Variants in EPAS1 observed in about 807,000 individuals in gnomAD.
The protein encoded by EPAS1 is endothelial PAS domain protein 1.
EPAS1 carries 23 observed loss-of-function variants against 87.9 expected under a neutral mutation model. The observed-to-expected ratio is 0.26, with a 90% confidence interval of 0.19 to 0.37. The LOEUF (loss-of-function observed/expected upper bound fraction) is 0.37. Among genes scored for constraint, EPAS1 ranks in the 10% least tolerant of loss-of-function variants. EPAS1 has a pLI of 1.00. For synonymous variants in EPAS1, 508 were observed against 444.3 expected, an observed-to-expected ratio of 1.14 and a Z score of -1.80; for missense variants, 1,138 against 1,120.7, an observed-to-expected ratio of 1.02 and a Z score of -0.22.
At chr2:46,337,564 A>C (rs886824648) in intron 1 of EPAS1, among the ~76,000 whole-genome samples, 1 of 152,134 alleles carries the variant, frequency 6.6e-6, no homozygotes, top group Non-Finnish European at 1.5e-5. Flanking sequence ...CCGCCGTGCA[A>C]TTTCTTTGTC....
chr2:46,362,778 T>C (rs1172063332), intron 6 of EPAS1, among the ~76,000 whole-genome samples: 1 of 152,216 alleles, frequency 6.6e-6, no homozygotes, highest in Non-Finnish European at 1.5e-5. Flanking sequence ...AAAGTATCCT[T>C]GAGTCATTCC....
chr2:46,314,481 G>T (rs918550051), intron 1 of EPAS1, among the ~76,000 whole-genome samples: 8 of 152,158 alleles, frequency 5.3e-5, no homozygotes, highest in Non-Finnish European at 7.3e-5. Flanking sequence ...TTCTGTTCAG[G>T]AAAACGTCCT....
chr2:46,316,099 A>G (rs2104845626), intron 1 of EPAS1, among the ~76,000 whole-genome samples: 1 of 152,320 alleles, frequency 6.6e-6, no homozygotes, highest in African/African-American at 2.4e-5. Flanking sequence ...ATAATTACAG[A>G]ATACGGGCAT....
At chr2:46,344,162 T>C (rs902651815) in intron 1 of EPAS1, among the ~76,000 whole-genome samples, 8 of 152,248 alleles carry the variant, frequency 5.3e-5, no homozygotes, top group Admixed American at 6.5e-5. Flanking sequence ...AACTAATATA[T>C]GAAAGGTTTT....
chr2:46,384,932 A>G lies in EPAS1; in HGVS notation c.*272A>G. 2.1e-6 allele frequency: 1 copy of G among 484,644 alleles called. No individual in the cohort carries two copies. Among genetic ancestry groups the G allele is most frequent in the East Asian group, 4.0e-5 (1 of 25,214 alleles). The allele number at this position is 484,644 out of a possible 1,614,324, so 30.0% of individuals were successfully genotyped here. ...TTCCTCCCCACCTTCAATGACTTCT[A>G]ATTTATATTATCCATAGGTTTCTCT... On this transcript the variant is annotated 3_prime_UTR_variant, in exon 16 of 16. Transcript: ENST00000263734.
chr2:46,307,831 G>A (rs1234140776), intron 1 of EPAS1, among the ~76,000 whole-genome samples: 1 of 152,188 alleles, frequency 6.6e-6, no homozygotes, highest in Non-Finnish European at 1.5e-5. Context: ...CCTCCTCAGC[G>A]GGATTGTCCT....
At chr2:46,332,482 G>A (rs1683705478) in intron 1 of EPAS1, among the ~76,000 whole-genome samples, 1 of 152,098 alleles carries the variant, frequency 6.6e-6, no homozygotes, top group African/African-American at 2.4e-5. Context: ...GGGGCAGCTG[G>A]GTTCTGTTAA....
chr2:46,311,293 A>G (rs1683207996), intron 1 of EPAS1, among the ~76,000 whole-genome samples: 1 of 152,152 alleles, frequency 6.6e-6, no homozygotes, highest in South Asian at 2.1e-4. Flanking sequence ...CTCCACAGTC[A>G]TTCTCTGCTC....
At chr2:46,351,294 G>A (rs1268205084) in intron 2 of EPAS1, among the ~76,000 whole-genome samples, 2 of 152,180 alleles carry the variant, frequency 1.3e-5, no homozygotes, top group Non-Finnish European at 2.9e-5. Flanking sequence ...ACCCAGTCCT[G>A]TACTACATCA....
chr2:46,306,723 A>T (rs1683114156), intron 1 of EPAS1, among the ~76,000 whole-genome samples: 2 of 152,220 alleles, frequency 1.3e-5, no homozygotes, highest in Admixed American at 6.5e-5. Flanking sequence ...AACAACAGAA[A>T]ATTGTGCCTT....
chr2:46,356,127 T>TGGGGGGGGGCG, intron 2 of EPAS1, 24 bp from the exon 3 acceptor site: 1 of 1,395,474 alleles, frequency 7.2e-7, no homozygotes, highest in Non-Finnish European at 9.9e-7. Context: ...TCATGCAAGC[T>TGGGGGGGGGCG]GTCCCACCCC....
At chr2:46,315,610 C>T (rs1401464045) in intron 1 of EPAS1, among the ~76,000 whole-genome samples, 1 of 152,190 alleles carries the variant, frequency 6.6e-6, no homozygotes, top group Non-Finnish European at 1.5e-5. Flanking sequence ...CCAGGCCTGC[C>T]CAGAATCCTG....
In EPAS1 at chr2:46,360,843, G is replaced by C. The variant is rs2103636547; in HGVS notation, c.574-42G>C. On this transcript the variant is annotated intron_variant, in intron 5 of 15. Transcript: ENST00000263734. This position sits in a 1 kb window ranked among gnomAD's most constrained non-coding sequence, Gnocchi z 4.5. ...GCCTAAGGCCCTACCCCCACCCCCA[G>C]CACTCTCGGCTCCATGTCTGACCCT... is the stretch of plus-strand genomic sequence containing the variant. The C allele has an allele frequency of 6.2e-7, 1 of 1,613,552 alleles. No individual in the cohort carries two copies. Among genetic ancestry groups the C allele is most frequent in the Non-Finnish European group, 8.5e-7 (1 of 1,179,494 alleles).
At chr2:46,315,607 T>A (rs767324561) in intron 1 of EPAS1, among the ~76,000 whole-genome samples, 2 of 152,256 alleles carry the variant, frequency 1.3e-5, no homozygotes, top group African/African-American at 2.4e-5. Context: ...TTGCCAGGCC[T>A]GCCCAGAATC....
rs548069908 is a variant in EPAS1, at chr2:46,313,219, C to T, written c.26+15282C>T. On this transcript the variant is annotated intron_variant, in intron 1 of 15. Transcript: ENST00000263734. The stretch of plus-strand genomic sequence containing the variant: ...ACTGACCATGAGATGTGACAGGCCA[C>T]TCAGCTCTGGCCTCTGATCCTTCAT... Among the ~76,000 whole-genome samples, 111 of 152,302 alleles carry T rather than the reference C, an allele frequency of 7.3e-4. 1 individual carries two copies. Among genetic ancestry groups the T allele is most frequent in the Non-Finnish European group, 1.1e-3 (73 of 68,038 alleles).
At chr2:46,381,808 C>G in intron 13 of EPAS1, 86 bp downstream of exon 13, 1 of 1,590,848 alleles carries the variant, frequency 6.3e-7, no homozygotes, top group Non-Finnish European at 8.6e-7. Flanking sequence ...TGTGGCCCTT[C>G]CAAGCCAGCA....
rs1684859360 is a variant in EPAS1, at chr2:46,380,401, G to A, written c.1729G>A (p.Val577Ile). 1 of 1,614,162 alleles carries A rather than the reference G, an allele frequency of 6.2e-7. No individual in the cohort carries two copies. ...MTNIFQPLAPVAPHSPFLLDK... is the reference protein window; with the variant it reads ...MTNIFQPLAPIAPHSPFLLDK... Reference sequence around the variant, plus strand: ...AAACATCTTCCAGCCACTGGCCCCTGTAGCCCCGCACAGTCCCTTCCTCCT... The same window carrying A: ...AAACATCTTCCAGCCACTGGCCCCTATAGCCCCGCACAGTCCCTTCCTCCT... The change falls in exon 12 of 16, where the codon GTA (valine) becomes ATA (isoleucine). Residue 577 changes from valine to isoleucine, a missense_variant. Transcript: ENST00000263734. This position sits in a 1 kb window ranked among gnomAD's most constrained non-coding sequence, Gnocchi z 4.4.
chr2:46,301,324 C>G (rs1682991732), intron 1 of EPAS1, among the ~76,000 whole-genome samples: 1 of 151,980 alleles, frequency 6.6e-6, no homozygotes, highest in Non-Finnish European at 1.5e-5. Flanking sequence ...GCCTGTAATC[C>G]CAGCACTTTG....
intron 2 of EPAS1, among the ~76,000 whole-genome samples, chr2:46,351,530 G>A (rs1045752891): frequency 6.6e-6 from 1 of 152,162 alleles, no homozygotes; most frequent in Non-Finnish European, 1.5e-5. Context: ...CCTGTGGCTT[G>A]ACTGGCACTG....
Sources: gnomAD v4.1 joint callset for allele counts (sites outside exome capture counted in the v4.1 genomes callset) on GRCh38, gnomAD v4.1.1 for gene constraint, Gnocchi (gnomAD v3.1) non-coding constraint, MANE v1.5 for transcripts, NCBI Gene and HGNC (gene_info 2026-07-23, HGNC 2026-07-21) for gene names.